The following PTPN7 variants were observed in gnomAD, a reference collection of about 807,000 sequenced individuals.
PTPN7 encodes the protein protein tyrosine phosphatase non-receptor type 7, also known as tyrosine-protein phosphatase non-receptor type 7.
Under a neutral mutation model 50.3 loss-of-function variants are expected in PTPN7, and 33 were observed. The observed-to-expected ratio is 0.66, with a 90% CI of 0.50 to 0.88. PTPN7 has a LOEUF of 0.88. Among genes scored for constraint, PTPN7 ranks in the 40% least tolerant of loss-of-function variants. PTPN7 has a pLI of 0.00. For synonymous variants in PTPN7, 185 were observed against 186.6 expected (o/e 0.99, Z 0.07); for missense variants, 412 against 475.4 (o/e 0.87, Z 1.24).
intron 4 of PTPN7, 38 bp downstream of exon 4, chr1:202,157,701 C>G (rs1210524125): frequency 6.4e-7 from 1 of 1,564,116 alleles, no homozygotes; most frequent in Non-Finnish European, 8.8e-7. Flanking sequence ...GCCCCAGGGA[C>G]TGTACCCGAC....
In PTPN7 at chr1:202,147,999, G is replaced by GGGTCATCCAGCCCTTCCGATGTGT; in HGVS notation, c.*583_*606dup. 6.6e-6 allele frequency: 1 copy of GGGTCATCCAGCCCTTCCGATGTGT among 152,394 alleles called. No individual in the cohort carries two copies. The highest frequency in any genetic ancestry group is 6.5e-5 in the Admixed American group (1 of 15,292). The allele number at this position is 152,394 out of a possible 1,614,324, so 9.4% of individuals were successfully genotyped here. Reference sequence around the variant, plus strand: ...GAGTCCTTGTTCTTTCTTTTGATTGGGGTCATCCAGCCCTTCCGATGTGTG... The same window carrying GGGTCATCCAGCCCTTCCGATGTGT: ...GAGTCCTTGTTCTTTCTTTTGATTGGGGTCATCCAGCCCTTCCGATGTGTGGTCATCCAGCCCTTCCGATGTGTG... On this transcript the variant is annotated 3_prime_UTR_variant, in exon 10 of 10. Coordinates refer to ENST00000691036, the MANE Select transcript of PTPN7 (RefSeq NM_002832.4).
rs759216795 is a variant in PTPN7, at chr1:202,150,318, G to GC, written c.981dup (p.Leu328AlafsTer29). On this transcript the variant is annotated frameshift_variant, in exon 9 of 10. Coordinates refer to ENST00000691036, the MANE Select transcript of PTPN7 (RefSeq NM_002832.4). LOFTEE classifies it high-confidence loss of function. ...TTACACCCACAGACCCACCTGTCTA[G>GC]CCGCAGTTGGCACACAATACCCAGA... 2.5e-6 allele frequency: 4 copies of GC among 1,610,670 alleles called. No homozygotes were observed. Among genetic ancestry groups the GC allele is most frequent in the Non-Finnish European group, 3.4e-6 (4 of 1,178,142 alleles).
intron 4 of PTPN7, among the ~76,000 whole-genome samples, chr1:202,157,448 G>T (rs1184754807): frequency 6.6e-6 from 1 of 151,930 alleles, no homozygotes; most frequent in Non-Finnish European, 1.5e-5. Flanking sequence ...GGCGGAGGTT[G>T]CAGTGAGCCC....
chr1:202,149,202 G>A (rs191604323), intron 9 of PTPN7, among the ~76,000 whole-genome samples: 102 of 152,068 alleles, frequency 6.7e-4, no homozygotes, highest in Middle Eastern at 3.4e-3. Context: ...CTGCCCCTCA[G>A]ATCTGCTGTG....
chr1:202,150,775 C>T (rs993863082), intron 8 of PTPN7, among the ~76,000 whole-genome samples: 1 of 152,114 alleles, frequency 6.6e-6, no homozygotes, highest in African/African-American at 2.4e-5. Flanking sequence ...ACCCTCGAGC[C>T]CTCCTTATCT....
intron 4 of PTPN7, 102 bp from the exon 5 acceptor site, chr1:202,155,711 C>A: frequency 9.9e-7 from 1 of 1,007,458 alleles, no homozygotes; most frequent in South Asian, 1.4e-5. Context: ...TCATCACAGT[C>A]ATAGCACCTT....
rs1656938086 is a variant in PTPN7 at position 202,158,402 on chromosome 1, C to T, written c.123-101G>A. 3 of 1,308,950 alleles carry T rather than the reference C, an allele frequency of 2.3e-6. No individual in the cohort carries two copies. In the Admixed American group the frequency reaches 6.6e-5, roughly 29 times the overall value. 81.1% of individuals were successfully genotyped at this position (1,308,950 alleles called of 1,614,324 possible). ...AGAGATAGGGTCTCTCTCTGTTGCC[C>T]AGGTCTGGAGTGTGATGGCACTATT... is the stretch of plus-strand genomic sequence containing the variant. On this transcript the variant is annotated intron_variant, in intron 2 of 9. Coordinates refer to ENST00000691036, the MANE Select transcript of PTPN7 (RefSeq NM_002832.4).
In PTPN7 at chr1:202,155,543, T is replaced by C; in HGVS notation, c.458A>G (p.Asn153Ser). The change falls in exon 5 of 10, where the codon AAC becomes AGC. Residue 153 changes from asparagine to serine, a missense_variant. Coordinates refer to ENST00000691036, the MANE Select transcript of PTPN7 (RefSeq NM_002832.4). ...AGCCAGGCCACTCACTCGGATGTAG[T>C]TGGCATTGATGTAATCTCCGTCCTC... Reference protein sequence around the residue: ...SQEDGDYINANYIRGYDGKEK... With the variant: ...SQEDGDYINASYIRGYDGKEK... 6 of 1,553,124 alleles carry C rather than the reference T, an allele frequency of 3.9e-6. No individual in the cohort carries two copies. The highest frequency in any genetic ancestry group is 5.3e-6 in the Non-Finnish European group (6 of 1,124,678).
rs886583267 is a variant in PTPN7 at position 202,148,592 on chromosome 1, G to A, written c.*14C>T. 5.6e-6 allele frequency: 9 copies of A among 1,610,904 alleles called. No individual in the cohort carries two copies. Among genetic ancestry groups the A allele is most frequent in the Middle Eastern group, 1.7e-4 (1 of 6,048 alleles). On this transcript the variant is annotated 3_prime_UTR_variant, in exon 10 of 10. Coordinates refer to ENST00000691036, the MANE Select transcript of PTPN7 (RefSeq NM_002832.4). ...AGGGAGGTAGGCACCTGGGCCACCG[G>A]AGGGTGGCAGGGGTCAGGGGCTGGG...
At position 202,158,203 on chromosome 1, in the gene PTPN7, A is replaced by G; in HGVS notation, c.221T>C (p.Phe74Ser). The G allele has an allele frequency of 6.2e-7, 1 of 1,613,958 alleles. No homozygotes were observed. Among genetic ancestry groups the G allele is most frequent in the Non-Finnish European group, 8.5e-7 (1 of 1,179,898 alleles). Residue 74 changes from phenylalanine to serine, a missense_variant, in exon 3 of 10, where the codon TTT (phenylalanine) becomes TCT (serine). Phe to Ser is a radical substitution (Grantham distance 155). Coordinates refer to ENST00000691036, the MANE Select transcript of PTPN7 (RefSeq NM_002832.4). ...AAGGGGGTGTCCAGCAGTGCGCAGA[A>G]AGTGTAGGGTGACCTCCCGGGGTGT... Reference protein sequence around the residue: ...VNTPREVTLHFLRTAGHPLTR... With the variant: ...VNTPREVTLHSLRTAGHPLTR...
Position 202,159,456 on chromosome 1 carries a change from T to C in PTPN7, c.-52-2A>G, listed in dbSNP as rs1657102086. On this transcript the variant is annotated splice_acceptor_variant, in intron 1 of 9. Transcript: ENST00000691036. LOFTEE classifies it low-confidence loss of function (5UTR_SPLICE). This position sits in a 1 kb window ranked among gnomAD's most constrained non-coding sequence, Gnocchi z 4.6. ...GGCTCACTCAGCCATGAGGTCTGCC[T>C]GAAAGACAGGGCCCTCCGCTGCTGT... 1 of 1,611,082 alleles carries C rather than the reference T, an allele frequency of 6.2e-7. No individual in the cohort carries two copies. Among genetic ancestry groups the C allele is most frequent in the Non-Finnish European group, 8.5e-7 (1 of 1,177,748 alleles).
upstream of PTPN7, chr1:202,160,662 G>T (rs1557982431): frequency 6.4e-7 from 1 of 1,550,498 alleles, no homozygotes; most frequent in Non-Finnish European, 8.7e-7. The surrounding 1 kb of genome is among the most constrained non-coding windows in gnomAD (Gnocchi z 4.8). Flanking sequence ...CCTCCTTGCT[G>T]CCACCCACGC....
Position 202,159,794 on chromosome 1 carries a change from A to T in PTPN7, c.-52-340T>A. 8.3e-7 allele frequency: 1 copy of T among 1,209,916 alleles called. No individual in the cohort carries two copies. Among genetic ancestry groups the T allele is most frequent in the Middle Eastern group, 3.3e-4 (1 of 3,034 alleles). 74.9% of individuals were successfully genotyped at this position (1,209,916 alleles called of 1,614,324 possible). Reference sequence around the variant, plus strand: ...TGGGAGAAGGCAAGGGAGGAAACAGAAAATATGTGTTCTCTAGGACGGAAG... The same window carrying T: ...TGGGAGAAGGCAAGGGAGGAAACAGTAAATATGTGTTCTCTAGGACGGAAG... On this transcript the variant is annotated intron_variant, in intron 1 of 9. Coordinates refer to ENST00000691036, the MANE Select transcript of PTPN7 (RefSeq NM_002832.4). The surrounding 1 kb of genome is among the most constrained non-coding windows in gnomAD (Gnocchi z 4.6).
At chr1:202,158,382 T>C (rs1276023561) in intron 2 of PTPN7, 81 bp from the exon 3 acceptor site, 13 of 1,440,190 alleles carry the variant, frequency 9.0e-6, no homozygotes, top group Non-Finnish European at 1.1e-5. Flanking sequence ...CTTTTAGAGA[T>C]AGGGTCTCTC....
At chr1:202,155,119 A>G (rs772373524) in intron 5 of PTPN7, among the ~76,000 whole-genome samples, 1 of 152,132 alleles carries the variant, frequency 6.6e-6, no homozygotes, top group Non-Finnish European at 1.5e-5. Flanking sequence ...AACCATCTTC[A>G]TATAAGAGGG....
chr1:202,161,396 A>G, upstream of PTPN7: 1 of 1,280,066 alleles, frequency 7.8e-7, no homozygotes, highest in South Asian at 1.2e-5. Flanking sequence ...CAGACAGTGG[A>G]CAGTCTCTGG....
Position 202,157,762 on chromosome 1 carries a change from T to C in PTPN7, c.368A>G (p.Asp123Gly). Residue 123 changes from aspartate (D) to glycine (G), a missense_variant, in exon 4 of 10, where the codon GAC becomes GGC. Asp to Gly is a moderately conservative substitution (Grantham distance 94). Transcript: ENST00000691036. ...ACTTGGCAAGATGGTCTTGTATCGG[T>C]CCTTGGAGGCGTGGCCAGGGATGTC... ...DLDIPGHASKDRYKTILPNPQ... is the reference protein window; with the variant it reads ...DLDIPGHASKGRYKTILPNPQ... 1 of 1,614,036 alleles carries C rather than the reference T, an allele frequency of 6.2e-7. No individual in the cohort carries two copies. The highest frequency in any genetic ancestry group is 8.5e-7 in the Non-Finnish European group (1 of 1,179,914).
In PTPN7 at chr1:202,148,662, G is replaced by A. The variant is rs755124622; in HGVS notation, c.1027C>T (p.Leu343=). Residue 343 remains leucine (L), a synonymous_variant, in exon 10 of 10, where the codon CTG becomes TTG. Transcript: ENST00000691036. ...MIQTAEQYQF[L]HHTLALYAGQ... is the part of the protein sequence containing the mutation. ...GCATACAGGGCCAAAGTGTGGTGCA[G>A]GAACTGGTACTGCTCTGCCGTCTGG... is the stretch of plus-strand genomic sequence containing the variant. 14 of 1,613,868 alleles carry A rather than the reference G, an allele frequency of 8.7e-6. No homozygotes were observed. In the East Asian group the frequency reaches 2.9e-4, roughly 33 times the overall value.
intron 4 of PTPN7, among the ~76,000 whole-genome samples, chr1:202,156,699 G>T (rs944782217): frequency 1.3e-5 from 2 of 152,176 alleles, no homozygotes; most frequent in Admixed American, 6.5e-5. Flanking sequence ...GCCTGGAATA[G>T]CGCTAATAGC....
Sources: allele counts gnomAD v4.1 joint callset (sites outside exome capture counted in the v4.1 genomes callset), GRCh38; gene constraint gnomAD v4.1.1; non-coding constraint Gnocchi (gnomAD v3.1); transcripts MANE v1.5; gene names NCBI Gene and HGNC (gene_info 2026-07-23, HGNC 2026-07-21).